KDM4C: variants seen among roughly 807,000 people sequenced by gnomAD.
The protein encoded by KDM4C is lysine demethylase 4C.
In KDM4C, 81 loss-of-function variants were observed where a neutral mutation model predicts 129.3. The observed-to-expected ratio is 0.63, with a 90% CI of 0.52 to 0.75. The LOEUF (loss-of-function observed/expected upper bound fraction) is 0.75, where lower values mean the gene tolerates loss of function less well. KDM4C is among the 30% of genes least tolerant of loss of function. KDM4C has a pLI of 0.00. For missense variants in KDM4C, 1,457 were observed against 1,304.0 expected (o/e 1.12, Z -1.81); for synonymous variants, 573 against 456.1 (o/e 1.26, Z -3.26).
intron 1 of KDM4C, among the ~76,000 whole-genome samples, chr9:6,744,760 C>T (rs1350904018): frequency 1.3e-5 from 2 of 151,890 alleles, no homozygotes; most frequent in South Asian, 2.1e-4. Context: ...GGCACACAGA[C>T]TCCAGGAGTG....
At chr9:7,096,265 A>C (rs1423501907) in intron 17 of KDM4C, among the ~76,000 whole-genome samples, 11 of 152,212 alleles carry the variant, frequency 7.2e-5, no homozygotes. Context: ...TGCTTCTTTC[A>C]ACATGAGATT....
chr9:6,906,928 G>A (rs1818424428), intron 8 of KDM4C, among the ~76,000 whole-genome samples: 1 of 152,160 alleles, frequency 6.6e-6, no homozygotes, highest in Non-Finnish European at 1.5e-5. Context: ...GACGTAGATA[G>A]GTATTTTATT....
At chr9:7,006,134 T>C (rs1362137371) in intron 12 of KDM4C, among the ~76,000 whole-genome samples, 1 of 152,216 alleles carries the variant, frequency 6.6e-6, no homozygotes, top group Non-Finnish European at 1.5e-5. Flanking sequence ...GACCCTCACC[T>C]TGGGAAGTTT....
intron 8 of KDM4C, among the ~76,000 whole-genome samples, chr9:6,898,395 GACTT>G (rs1180264385): frequency 1.3e-5 from 2 of 152,180 alleles, no homozygotes; most frequent in African/African-American, 2.4e-5. Context: ...CAGTGAAAGA[GACTT>G]ACTGTGTCAG....
chr9:7,064,716 C>T (rs545233367), intron 17 of KDM4C, among the ~76,000 whole-genome samples: 47 of 152,082 alleles, frequency 3.1e-4, no homozygotes, highest in African/African-American at 8.9e-4. Flanking sequence ...CTCAGAAGAG[C>T]GATATGCTAG....
At chr9:6,908,871 T>G (rs1818787496) in intron 8 of KDM4C, among the ~76,000 whole-genome samples, 1 of 152,200 alleles carries the variant, frequency 6.6e-6, no homozygotes, top group Admixed American at 6.5e-5. Flanking sequence ...TTGTAATGAT[T>G]AAATCAAATA....
At chr9:6,746,192 C>T (rs1051371988) in intron 1 of KDM4C, among the ~76,000 whole-genome samples, 2 of 151,118 alleles carry the variant, frequency 1.3e-5, no homozygotes, top group East Asian at 1.9e-4. Context: ...CTGCCCACCT[C>T]GGTCTCCCAG....
At position 7,142,314 on chromosome 9, in the gene KDM4C, G is replaced by A. The variant is rs537705141; in HGVS notation, c.2781+14078G>A. Among the ~76,000 whole-genome samples, 4 of 152,256 alleles carry A rather than the reference G, an allele frequency of 2.6e-5. No individual in the cohort carries two copies. In the South Asian group the frequency reaches 8.3e-4, roughly 32 times the overall value. On this transcript the variant is annotated intron_variant, in intron 19 of 21. Coordinates refer to ENST00000381309, the MANE Select transcript of KDM4C (RefSeq NM_015061.6). ...TTTTTAAAATTTTCATAGAGATGGGGTCTTTCGCTATCCAAGCTGTTCTGG... is the reference window on the plus strand; with the variant it reads ...TTTTTAAAATTTTCATAGAGATGGGATCTTTCGCTATCCAAGCTGTTCTGG...
chr9:6,756,566 A>C (rs1164194622), upstream of KDM4C, among the ~76,000 whole-genome samples: 2 of 152,144 alleles, frequency 1.3e-5, no homozygotes, highest in African/African-American at 4.8e-5. Flanking sequence ...AAAATACAAA[A>C]ATTAGCTGGG....
chr9:6,814,341 ATACTT>A (rs2131141032), intron 3 of KDM4C, among the ~76,000 whole-genome samples: 1 of 152,320 alleles, frequency 6.6e-6, no homozygotes, highest in African/African-American at 2.4e-5. Flanking sequence ...GATTTTAAAA[ATACTT>A]TAAAGCTGAA....
At chr9:6,885,665 A>C (rs1330621131) in intron 6 of KDM4C, among the ~76,000 whole-genome samples, 1 of 151,310 alleles carries the variant, frequency 6.6e-6, no homozygotes, top group Non-Finnish European at 1.5e-5. Flanking sequence ...CAAGGAATTG[A>C]CTGTGTTTTA....
chr9:6,879,237 CATT>C (rs1181258954), intron 5 of KDM4C, among the ~76,000 whole-genome samples: 2 of 152,096 alleles, frequency 1.3e-5, no homozygotes, highest in Non-Finnish European at 2.9e-5. Flanking sequence ...TTAATATCCT[CATT>C]AAATTTCCTC....
intron 17 of KDM4C, among the ~76,000 whole-genome samples, chr9:7,065,406 C>G (rs1832284670): frequency 6.6e-6 from 1 of 151,944 alleles, no homozygotes; most frequent in Non-Finnish European, 1.5e-5. Flanking sequence ...TTAAAACTTT[C>G]AAATTTTTTT....
chr9:7,124,178 A>C (rs185288877), intron 18 of KDM4C, among the ~76,000 whole-genome samples: 1 of 152,340 alleles, frequency 6.6e-6, no homozygotes, highest in Admixed American at 6.5e-5. Flanking sequence ...AGTAAGAGTA[A>C]TCAGCTTATA....
chr9:7,087,751 G>T (rs953161653), intron 17 of KDM4C, among the ~76,000 whole-genome samples: 1 of 152,118 alleles, frequency 6.6e-6, no homozygotes, highest in Non-Finnish European at 1.5e-5. Context: ...ATGGATGATG[G>T]AGTTATCAAA....
At chr9:7,038,574 G>T (rs1323402) in intron 15 of KDM4C, among the ~76,000 whole-genome samples, 15,272 of 151,966 alleles carry the variant, frequency 0.1, 1,004 homozygotes, top group East Asian at 0.18. Context: ...TTTGGCTTCT[G>T]ATAATTCCAG....
chr9:7,014,106 C>A, intron 14 of KDM4C, 105 bp downstream of exon 14: 2 of 812,566 alleles, frequency 2.5e-6, no homozygotes, highest in Non-Finnish European at 4.0e-6. Flanking sequence ...GGACTATTGG[C>A]ATTCTTAATG....
chr9:6,790,107 C>G (rs1016433654), intron 1 of KDM4C, among the ~76,000 whole-genome samples: 11 of 145,094 alleles, frequency 7.6e-5, no homozygotes, highest in African/African-American at 2.7e-4. Flanking sequence ...AAACCCATCC[C>G]TAAAAATACA....
At chr9:6,807,707 G>C (rs2131051332) in intron 3 of KDM4C, among the ~76,000 whole-genome samples, 1 of 147,838 alleles carries the variant, frequency 6.8e-6, no homozygotes, top group South Asian at 2.2e-4. Flanking sequence ...TCTGAGAAGT[G>C]AGGAGCCTCT....
Sources: gnomAD v4.1 joint callset for allele counts (sites outside exome capture counted in the v4.1 genomes callset) on GRCh38, gnomAD v4.1.1 for gene constraint, MANE v1.5 for transcripts, NCBI Gene and HGNC (gene_info 2026-07-23, HGNC 2026-07-21) for gene names.